Variants in CLIP2 observed in about 807,000 individuals in gnomAD.
The protein encoded by CLIP2 is CAP-Gly domain-containing linker protein 2.
Under a neutral mutation model 111.7 loss-of-function variants are expected in CLIP2, and 41 were observed. That is an observed-to-expected ratio of 0.37 (90% CI 0.29 to 0.48). The LOEUF is 0.48. Among genes scored for constraint, CLIP2 ranks in the 20% least tolerant of loss-of-function variants. The probability of loss-of-function intolerance (pLI) is 0.99; values close to 1 mark genes in which losing one functional copy is unlikely to be tolerated. For synonymous variants in CLIP2, 660 were observed against 644.2 expected, an observed-to-expected ratio of 1.02 and a Z score of -0.37; for missense variants, 1,160 against 1,422.1, an observed-to-expected ratio of 0.82 and a Z score of 2.96.
Position 74,401,491 on chromosome 7 carries a change from C to T in CLIP2, c.3067-14C>T, listed in dbSNP as rs782264609. 2 of 1,613,702 alleles carry T rather than the reference C, an allele frequency of 1.2e-6. No homozygotes were observed. The highest frequency in any genetic ancestry group is 2.7e-5 in the African/African-American group (2 of 74,898). On this transcript the variant is annotated splice_polypyrimidine_tract_variant and intron_variant, in intron 15 of 16. Coordinates refer to ENST00000223398, the MANE Select transcript of CLIP2 (RefSeq NM_003388.5). ...CTGGTGCACCTGGCTCAGTGTCTCC[C>T]CTAACTCTTCCAGACCATCGGCAAT...
intron 8 of CLIP2, among the ~76,000 whole-genome samples, chr7:74,368,087 C>G (rs1214953384): frequency 6.6e-6 from 1 of 152,088 alleles, no homozygotes; most frequent in Non-Finnish European, 1.5e-5. Flanking sequence ...GTAATGCATG[C>G]CTATGGTCCC....
At position 74,311,155 on chromosome 7, in the gene CLIP2, A is replaced by G. The variant is rs559136234; in HGVS notation, c.-67-6325A>G. On this transcript the variant is annotated intron_variant, in intron 1 of 16. Coordinates refer to ENST00000223398, the MANE Select transcript of CLIP2 (RefSeq NM_003388.5). Reference sequence around the variant, plus strand: ...CCACCACGCTCGGCTAATTTTTTGTATTTTTAGTAGAGATGGGGTTTCACT... The same window carrying G: ...CCACCACGCTCGGCTAATTTTTTGTGTTTTTAGTAGAGATGGGGTTTCACT... 5.9e-5 allele frequency among the ~76,000 whole-genome samples: 9 copies of G among 151,614 alleles called. 1 individual carries two copies. The South Asian group carries it at 1.9e-3, about 32-fold the overall frequency.
At position 74,376,830 on chromosome 7, in the gene CLIP2, C is replaced by T. The variant is rs1554313092; in HGVS notation, c.2421+8C>T. On this transcript the variant is annotated splice_region_variant and intron_variant, in intron 10 of 16. Coordinates refer to ENST00000223398, the MANE Select transcript of CLIP2 (RefSeq NM_003388.5). The surrounding 1 kb of genome is among the most constrained non-coding windows in gnomAD (Gnocchi z 7.1). The stretch of plus-strand genomic sequence containing the variant: ...TCCTCCCAGCACACCCACGTAGGCG[C>T]CTGCCCCTCCTGCTGGGGCGGGAGG... 6.4e-7 allele frequency: 1 copy of T among 1,559,270 alleles called. No homozygotes were observed. The highest frequency in any genetic ancestry group is 8.7e-7 in the Non-Finnish European group (1 of 1,153,548).
intron 1 of CLIP2, among the ~76,000 whole-genome samples, chr7:74,302,830 C>T (rs1564026461): frequency 6.6e-6 from 1 of 152,252 alleles, no homozygotes; most frequent in Non-Finnish European, 1.5e-5. Context: ...GGCCCTATCC[C>T]CACGCTGGCT....
At chr7:74,339,294 T>TTTAC (rs1789584416) in intron 3 of CLIP2, among the ~76,000 whole-genome samples, 1 of 113,280 alleles carries the variant, frequency 8.8e-6, no homozygotes, top group South Asian at 3.0e-4. Context: ...ATTTACTTAT[T>TTTAC]TTACTTATTT....
At chr7:74,388,497 CA>C (rs879977310) in intron 12 of CLIP2, among the ~76,000 whole-genome samples, 410 of 127,758 alleles carry the variant, frequency 3.2e-3, no homozygotes, top group Middle Eastern at 4.5e-3. Flanking sequence ...GACTCCGTCT[CA>C]AAAAAAAAAA....
At chr7:74,298,920 G>A (rs1788248189) in intron 1 of CLIP2, among the ~76,000 whole-genome samples, 1 of 152,196 alleles carries the variant, frequency 6.6e-6, no homozygotes, top group South Asian at 2.1e-4. Context: ...GGCATGGCAC[G>A]TGCAAAAGCC....
chr7:74,353,033 C>A (rs532536756), intron 3 of CLIP2, among the ~76,000 whole-genome samples: 52 of 152,088 alleles, frequency 3.4e-4, no homozygotes, highest in African/African-American at 1.1e-3. Flanking sequence ...CACCTATAGT[C>A]CCAGCTACTC....
intron 6 of CLIP2, among the ~76,000 whole-genome samples, chr7:74,358,503 T>G (rs1301383612): frequency 6.6e-6 from 1 of 152,030 alleles, no homozygotes; most frequent in Non-Finnish European, 1.5e-5. Context: ...CCTAATCTGC[T>G]TTTCTTCCCC....
chr7:74,325,420 G>T (rs1158334396), intron 2 of CLIP2, among the ~76,000 whole-genome samples: 1 of 152,132 alleles, frequency 6.6e-6, no homozygotes, highest in African/African-American at 2.4e-5. Context: ...TGCAGACAGG[G>T]TGGTCAGGGA....
At chr7:74,310,036 CAAAAAAAAAA>C (rs71094774) in intron 1 of CLIP2, among the ~76,000 whole-genome samples, 6 of 92,482 alleles carry the variant, frequency 6.5e-5, no homozygotes, top group Admixed American at 2.4e-4. Flanking sequence ...CCTGTCTCTA[CAAAAAAAAAA>C]AAAAAAAAAA....
At position 74,289,646 on chromosome 7, in the gene CLIP2, C is replaced by T. The variant is rs1184441462; in HGVS notation, c.-156C>T. 1 of 152,044 alleles carries T rather than the reference C, an allele frequency of 6.6e-6. No individual in the cohort carries two copies. The highest frequency in any genetic ancestry group is 1.9e-4 in the East Asian group (1 of 5,174). The allele number at this position is 152,044 out of a possible 1,614,324, so 9.4% of individuals were successfully genotyped here. A position where few individuals can be genotyped will look rare whatever the true frequency, so the allele number is the denominator to read the frequency against. On this transcript the variant is annotated 5_prime_UTR_variant, in exon 1 of 17. Transcript: ENST00000223398. ...GCCGCGCAGGGAGGGGCCGCAGCAT[C>T]CTCGCCCCCCAGCGCGCCCGGGCCC...
chr7:74,324,978 G>GCTGGGACC (rs1193092168), intron 2 of CLIP2, among the ~76,000 whole-genome samples: 4 of 152,182 alleles, frequency 2.6e-5, no homozygotes, highest in African/African-American at 9.6e-5. Flanking sequence ...TCCATCAGAG[G>GCTGGGACC]CTGGGACCCT....
intron 2 of CLIP2, among the ~76,000 whole-genome samples, chr7:74,332,488 G>T (rs1789320158): frequency 9.4e-6 from 1 of 106,912 alleles, no homozygotes. Flanking sequence ...TTTAGAGATG[G>T]GGTCTTGCTA....
chr7:74,314,476 G>T (rs896608761), intron 1 of CLIP2, among the ~76,000 whole-genome samples: 6 of 152,164 alleles, frequency 3.9e-5, no homozygotes, highest in African/African-American at 1.4e-4. Context: ...GGGCAACAGA[G>T]TAAAACCCTG....
chr7:74,357,187 T>A, intron 5 of CLIP2, 93 bp from the exon 6 acceptor site: 2 of 1,148,976 alleles, frequency 1.7e-6, no homozygotes, highest in Admixed American at 3.9e-5. Flanking sequence ...GGCTCCCACC[T>A]GCTATGTTGC....
At chr7:74,375,546 CAAAAAAAAAAAA>C (rs34885959) in intron 9 of CLIP2, among the ~76,000 whole-genome samples, 59 of 33,182 alleles carry the variant, frequency 1.8e-3, no homozygotes, top group African/African-American at 7.5e-3. Context: ...GAGCGAGACT[CAAAAAAAAAAAA>C]AAAAAAAAAA....
rs547704422 is a variant in CLIP2 at position 74,326,739 on chromosome 7, C to T, written c.121+9072C>T. On this transcript the variant is annotated intron_variant, in intron 2 of 16. Transcript: ENST00000223398. ...GCAACCTCCACCTCCTGGGTTCCAG[C>T]GATTCTCCTGCCTCAGCCTCCCAAG... Among the ~76,000 whole-genome samples the T allele has an allele frequency of 5.7e-5, 8 of 141,036 alleles. No homozygotes were observed. The South Asian group carries it at 1.2e-3, about 20-fold the overall frequency. 92.5% of individuals were successfully genotyped at this position (141,036 alleles called of 152,430 possible).
chr7:74,367,526 A>G (rs1282246712), intron 8 of CLIP2, among the ~76,000 whole-genome samples: 2 of 151,578 alleles, frequency 1.3e-5, no homozygotes, highest in African/African-American at 4.8e-5. Context: ...GGTTCTCACT[A>G]TATTGCCCAG....
Sources: allele counts gnomAD v4.1 joint callset (sites outside exome capture counted in the v4.1 genomes callset), GRCh38; gene constraint gnomAD v4.1.1; non-coding constraint Gnocchi (gnomAD v3.1); transcripts MANE v1.5; gene names NCBI Gene and HGNC (gene_info 2026-07-23, HGNC 2026-07-21).